Variants in OTOF observed in about 807,000 individuals in gnomAD.
The protein encoded by OTOF is fer-1-like family member 2.
In OTOF, 218 loss-of-function variants were observed where a neutral mutation model predicts 236.8. The observed-to-expected ratio is 0.92, with a 90% CI of 0.82 to 1.03. The LOEUF (loss-of-function observed/expected upper bound fraction) is 1.03, where lower values mean the gene tolerates loss of function less well. OTOF is among the 50% of genes least tolerant of loss of function. The probability of loss-of-function intolerance (pLI) is 0.00; values close to 1 mark genes in which losing one functional copy is unlikely to be tolerated. For synonymous variants in OTOF, 1,041 were observed against 1,072.5 expected, an observed-to-expected ratio of 0.97 and a Z score of 0.57; for missense variants, 2,590 against 2,694.4, an observed-to-expected ratio of 0.96 and a Z score of 0.86.
At chr2:26,505,496 G>GATGTCTGCA (rs1430950079) in intron 5 of OTOF, among the ~76,000 whole-genome samples, 1 of 152,006 alleles carries the variant, frequency 6.6e-6, no homozygotes, top group Non-Finnish European at 1.5e-5. Context: ...GGCCTTTCTA[G>GATGTCTGCA]ATGTCTGCAA....
rs886055873 is a variant in OTOF, at chr2:26,460,914, T to C, written c.5650A>G (p.Lys1884Glu). The C allele has an allele frequency of 6.2e-7, 1 of 1,613,996 alleles. No homozygotes were observed. Among genetic ancestry groups the C allele is most frequent in the Non-Finnish European group, 8.5e-7 (1 of 1,180,036 alleles). The change falls in exon 44 of 47, where the codon AAG becomes GAG. Residue 1884 changes from lysine to glutamate, a missense_variant. By Grantham distance (56) the Lys-to-Glu change is moderately conservative (BLOSUM62 1). Around this residue, in one of 2 missense-constraint regions of OTOF, gnomAD observed 1,211 missense variants for 1,352.8 expected, o/e 0.90. Coordinates refer to ENST00000272371, the MANE Select transcript of OTOF (RefSeq NM_194248.3). The surrounding 1 kb of genome is among the most constrained non-coding windows in gnomAD (Gnocchi z 5.3). ...AGGGGCCACCAGCCTTTGACGCGCT[T>C]TTGCTTGAAGATGGACACGAGGGGC... ...DVPLVSIFKQ[K>E]RVKGWWPLLA... is the part of the protein sequence containing the mutation.
chr2:26,532,921 C>T (rs1666984685), intron 2 of OTOF, among the ~76,000 whole-genome samples: 1 of 152,188 alleles, frequency 6.6e-6, no homozygotes, highest in South Asian at 2.1e-4. Context: ...CTTAAAGGGA[C>T]AGGGCTATAG....
intron 46 of OTOF, among the ~76,000 whole-genome samples, chr2:26,459,319 G>T (rs546007368): frequency 1.3e-5 from 2 of 152,208 alleles, no homozygotes; most frequent in African/African-American, 4.8e-5. Context: ...TTGGGAGGCC[G>T]AGATGGGCGG....
chr2:26,523,032 G>T (rs1016619315), intron 3 of OTOF, among the ~76,000 whole-genome samples: 2 of 152,214 alleles, frequency 1.3e-5, no homozygotes, highest in African/African-American at 4.8e-5. Flanking sequence ...GCGGCAACTG[G>T]GCACCAGAAT....
chr2:26,497,258 G>A (rs1310131194), intron 8 of OTOF, among the ~76,000 whole-genome samples: 2 of 151,868 alleles, frequency 1.3e-5, no homozygotes, highest in South Asian at 2.1e-4. Context: ...GCCTGCCACC[G>A]CACGGCTAAT....
At position 26,535,835 on chromosome 2, in the gene OTOF, C is replaced by T. The variant is rs545683284; in HGVS notation, c.138+1881G>A. Reference sequence around the variant, plus strand: ...GACTCTCCCCCTGAGGCAGGCTGGGCGGAGTTGGGAAGAGGAACGACATGG... The same window carrying T: ...GACTCTCCCCCTGAGGCAGGCTGGGTGGAGTTGGGAAGAGGAACGACATGG... On this transcript the variant is annotated intron_variant, in intron 2 of 46. Coordinates refer to ENST00000272371, the MANE Select transcript of OTOF (RefSeq NM_194248.3). Among the ~76,000 whole-genome samples, 15 of 152,236 alleles carry T rather than the reference C, an allele frequency of 9.9e-5. No individual in the cohort carries two copies. In the East Asian group the frequency reaches 1.4e-3, roughly 14 times the overall value.
chr2:26,539,502 G>A (rs190391130), intron 1 of OTOF, among the ~76,000 whole-genome samples: 1,637 of 152,288 alleles, frequency 0.011, 32 homozygotes, highest in African/African-American at 0.037. Context: ...TTGGGAGGCC[G>A]AGGCGGGCGG....
intron 1 of OTOF, among the ~76,000 whole-genome samples, chr2:26,538,645 T>A (rs1300578924): frequency 2.6e-5 from 4 of 152,076 alleles, no homozygotes; most frequent in Non-Finnish European, 4.4e-5. Flanking sequence ...ACCAGCTAGT[T>A]CAGTTCACTT....
In OTOF at chr2:26,464,984, G is replaced by A. The variant is rs754753052; in HGVS notation, c.4845C>T (p.Ile1615=). ...TGCCGTCTTTGCAGAGGCGGGTCAGGATCTGGCTGGGCTTCATGGGGTCCC... is the reference window on the plus strand; with the variant it reads ...TGCCGTCTTTGCAGAGGCGGGTCAGAATCTGGCTGGGCTTCATGGGGTCCC... ...IWRDPMKPSQ[I]LTRLCKDGKV... Residue 1615 remains isoleucine, a synonymous_variant, in exon 39 of 47, where the codon ATC becomes ATT. Coordinates refer to ENST00000272371, the MANE Select transcript of OTOF (RefSeq NM_194248.3). 6.5e-6 allele frequency: 10 copies of A among 1,530,802 alleles called. No homozygotes were observed. The East Asian group carries it at 2.1e-4, about 32-fold the overall frequency. The allele number at this position is 1,530,802 out of a possible 1,614,324, so 94.8% of individuals were successfully genotyped here.
Position 26,558,592 on chromosome 2 carries a change from A to G in OTOF, c.-21T>C. The stretch of plus-strand genomic sequence containing the variant: ...GCCATGCTGGTGTGGGCTGCCTGGC[A>G]CTGCCAGGCAGGAGCAGCGGGAAGG... On this transcript the variant is annotated 5_prime_UTR_variant, in exon 1 of 47. Transcript: ENST00000272371. 1 of 1,604,134 alleles carries G rather than the reference A, an allele frequency of 6.2e-7. No individual in the cohort carries two copies. The highest frequency in any genetic ancestry group is 8.5e-7 in the Non-Finnish European group (1 of 1,172,616).
intron 1 of OTOF, among the ~76,000 whole-genome samples, chr2:26,544,204 G>A (rs1039377468): frequency 6.6e-6 from 1 of 151,926 alleles, no homozygotes; most frequent in Non-Finnish European, 1.5e-5. Flanking sequence ...TTTAAAACTA[G>A]GTGAAACTTA....
At chr2:26,501,447 T>A (rs1366439278) in intron 8 of OTOF, among the ~76,000 whole-genome samples, 1 of 152,256 alleles carries the variant, frequency 6.6e-6, no homozygotes, top group Non-Finnish European at 1.5e-5. Flanking sequence ...TTGTAGTTCT[T>A]GGTCTCTTTA....
At position 26,466,815 on chromosome 2, in the gene OTOF, C is replaced by T; in HGVS notation, c.4399G>A (p.Asp1467Asn). ...LCVYKVPLPE[D>N]VSREAGYDST... is the part of the protein sequence containing the mutation. The stretch of plus-strand genomic sequence containing the variant: ...TCGTAGCCGGCTTCCCGGGACACGT[C>T]CTCTGGGAGTGGCACTTTGTACACG... The change falls in exon 36 of 47, where the codon GAC becomes AAC. Residue 1467 changes from aspartate (D) to asparagine (N), a missense_variant. Physicochemically the swap from Asp to Asn is conservative, Grantham distance 23. Coordinates refer to ENST00000272371, the MANE Select transcript of OTOF (RefSeq NM_194248.3). 6.2e-7 allele frequency: 1 copy of T among 1,614,228 alleles called. No individual in the cohort carries two copies. The highest frequency in any genetic ancestry group is 8.5e-7 in the Non-Finnish European group (1 of 1,180,048).
intron 5 of OTOF, among the ~76,000 whole-genome samples, chr2:26,511,370 G>A (rs1048290967): frequency 1.3e-5 from 2 of 152,152 alleles, no homozygotes; most frequent in African/African-American, 2.4e-5. Context: ...AGGGAAAAAC[G>A]GCCCCCCTAT....
At chr2:26,496,388 C>T (rs1005970023) in intron 8 of OTOF, among the ~76,000 whole-genome samples, 9 of 151,408 alleles carry the variant, frequency 5.9e-5, no homozygotes, top group African/African-American at 2.0e-4. Flanking sequence ...GCATATGCCA[C>T]CCCGCCCGGC....
chr2:26,519,760 G>A lies in OTOF; in HGVS notation c.228-651C>T, dbSNP rs527848947. Among the ~76,000 whole-genome samples, 16 of 152,296 alleles carry A rather than the reference G, an allele frequency of 1.1e-4. No homozygotes were observed. In the South Asian group the frequency reaches 2.5e-3, roughly 24 times the overall value. Reference sequence around the variant, plus strand: ...GGCAACTTCCTTAAGCTCTCTCAGTGTCGGTTTTCTCATAAGATGAGCTGA... The same window carrying A: ...GGCAACTTCCTTAAGCTCTCTCAGTATCGGTTTTCTCATAAGATGAGCTGA... On this transcript the variant is annotated intron_variant, in intron 3 of 46. Coordinates refer to ENST00000272371, the MANE Select transcript of OTOF (RefSeq NM_194248.3).
chr2:26,522,867 C>T (rs763225824), intron 3 of OTOF, among the ~76,000 whole-genome samples: 9 of 152,204 alleles, frequency 5.9e-5, no homozygotes, highest in Admixed American at 5.2e-4. Flanking sequence ...CCTTACAGGG[C>T]CATCCAGGTC....
chr2:26,465,644 C>T, intron 38 of OTOF, 28 bp downstream of exon 38: 2 of 1,609,392 alleles, frequency 1.2e-6, no homozygotes, highest in Non-Finnish European at 8.5e-7. Flanking sequence ...GCACACTGCC[C>T]CCGCCCTCTG....
At chr2:26,538,980 T>C (rs1667145280) in intron 1 of OTOF, among the ~76,000 whole-genome samples, 1 of 151,962 alleles carries the variant, frequency 6.6e-6, no homozygotes, top group Non-Finnish European at 1.5e-5. Context: ...GCCCAGCTAA[T>C]TTTTGTATTT....
Sources: allele counts gnomAD v4.1 joint callset (sites outside exome capture counted in the v4.1 genomes callset), GRCh38; gene constraint gnomAD v4.1.1; regional missense constraint gnomAD v4.1.1; non-coding constraint Gnocchi (gnomAD v3.1); transcripts MANE v1.5; gene names NCBI Gene and HGNC (gene_info 2026-07-23, HGNC 2026-07-21).